Variants in ADGRL3 observed in about 807,000 individuals in gnomAD.
ADGRL3 encodes the protein adhesion G protein-coupled receptor L3.
In ADGRL3, 62 loss-of-function variants were observed where a neutral mutation model predicts 153.5. The observed-to-expected ratio is 0.40, with a 90% confidence interval of 0.33 to 0.50. The LOEUF (loss-of-function observed/expected upper bound fraction) is 0.50, where lower values mean the gene tolerates loss of function less well. Ranked by LOEUF, ADGRL3 falls within the 20% of genes least tolerant of loss-of-function variation. The pLI is 0.47. For missense variants in ADGRL3, 1,641 were observed against 1,859.4 expected, an observed-to-expected ratio of 0.88 and a Z score of 2.16; for synonymous variants, 710 against 672.5, an observed-to-expected ratio of 1.06 and a Z score of -0.86.
intron 11 of ADGRL3, 59 bp from the exon 12 acceptor site, chr4:61,909,501 A>C: frequency 8.7e-7 from 1 of 1,152,064 alleles, no homozygotes; most frequent in Non-Finnish European, 1.2e-6. Flanking sequence ...CGTTGAAAGA[A>C]AGCAATAAAA....
At chr4:61,394,788 T>A (rs966826290) in intron 2 of ADGRL3, among the ~76,000 whole-genome samples, 6 of 152,062 alleles carry the variant, frequency 3.9e-5, no homozygotes, top group African/African-American at 1.4e-4. Context: ...AAAATTTAAT[T>A]CCTGGGGAGT....
At chr4:61,650,174 A>G (rs1561001005) in intron 5 of ADGRL3, among the ~76,000 whole-genome samples, 2 of 152,200 alleles carry the variant, frequency 1.3e-5, no homozygotes, top group Admixed American at 6.5e-5. Flanking sequence ...TTTATATGCC[A>G]TCCTATAAGG....
chr4:61,758,193 TC>T lies in ADGRL3; in HGVS notation c.1399+24642del, dbSNP rs553089558. On this transcript the variant is annotated intron_variant, in intron 8 of 26. Coordinates refer to ENST00000683033, the MANE Select transcript of ADGRL3 (RefSeq NM_001387552.1). The stretch of plus-strand genomic sequence containing the variant: ...GTTAACCTGATTCAATTCCTGGATA[TC>T]CCTGGACAATCCCTGGATATCCCTG... 8.5e-5 allele frequency among the ~76,000 whole-genome samples: 13 copies of T among 152,268 alleles called. No homozygotes were observed. In the East Asian group the frequency reaches 2.5e-3, roughly 29 times the overall value.
chr4:61,284,618 T>C (rs2093858371), intron 1 of ADGRL3, among the ~76,000 whole-genome samples: 1 of 151,922 alleles, frequency 6.6e-6, no homozygotes, highest in African/African-American at 2.4e-5. Flanking sequence ...TGTAGAGAGT[T>C]TTTTATTACT....
intron 8 of ADGRL3, among the ~76,000 whole-genome samples, chr4:61,751,589 C>T (rs59347828): frequency 0.089 from 13,504 of 152,032 alleles, 1,290 homozygotes; most frequent in African/African-American, 0.24. Context: ...GTGTGGATTG[C>T]GGTATGTGTG....
intron 9 of ADGRL3, among the ~76,000 whole-genome samples, chr4:61,833,059 A>T (rs559824828): frequency 6.6e-6 from 1 of 152,294 alleles, no homozygotes; most frequent in African/African-American, 2.4e-5. Flanking sequence ...TAATAGTGCC[A>T]TCTAGAAATT....
intron 9 of ADGRL3, among the ~76,000 whole-genome samples, chr4:61,882,874 G>A (rs538525428): frequency 1.3e-5 from 2 of 152,312 alleles, no homozygotes; most frequent in Admixed American, 6.5e-5. Flanking sequence ...GGGAGGCCGA[G>A]GTGGTGGATT....
At chr4:62,060,400 A>G (rs1577719149) in intron 25 of ADGRL3, among the ~76,000 whole-genome samples, 1 of 151,926 alleles carries the variant, frequency 6.6e-6, no homozygotes, top group South Asian at 2.1e-4. Flanking sequence ...CTTAGCCATA[A>G]ACATTTTGCT....
At chr4:61,656,303 C>T (rs1007114064) in intron 5 of ADGRL3, among the ~76,000 whole-genome samples, 5 of 152,006 alleles carry the variant, frequency 3.3e-5, no homozygotes, top group African/African-American at 1.2e-4. Flanking sequence ...TGAAGCTAAA[C>T]TTATATGTGA....
intron 13 of ADGRL3, among the ~76,000 whole-genome samples, chr4:61,918,094 G>C (rs1266485556): frequency 6.6e-6 from 1 of 152,158 alleles, no homozygotes; most frequent in East Asian, 1.9e-4. Context: ...ACAGCCACTT[G>C]GATTAGCATA....
chr4:61,777,738 C>T (rs1176455471), intron 8 of ADGRL3, among the ~76,000 whole-genome samples: 1 of 152,016 alleles, frequency 6.6e-6, no homozygotes, highest in Non-Finnish European at 1.5e-5. Flanking sequence ...AGAGAAGAGC[C>T]TTACTCTATT....
chr4:61,995,218 T>TG (rs1279038402), intron 19 of ADGRL3, among the ~76,000 whole-genome samples: 4 of 152,026 alleles, frequency 2.6e-5, no homozygotes, highest in Non-Finnish European at 5.9e-5. Flanking sequence ...ACTTTTTTTT[T>TG]TTAATCCTAT....
chr4:61,348,966 C>A (rs1254189545), intron 1 of ADGRL3, among the ~76,000 whole-genome samples: 1 of 151,868 alleles, frequency 6.6e-6, no homozygotes, highest in Admixed American at 6.6e-5. Context: ...ATTATTTTAA[C>A]TGAGTTTTTT....
At chr4:61,483,288 A>G (rs987444079) in intron 2 of ADGRL3, among the ~76,000 whole-genome samples, 1 of 152,178 alleles carries the variant, frequency 6.6e-6, no homozygotes, top group Non-Finnish European at 1.5e-5. Context: ...ATTCAGTGTA[A>G]TTTTAAAAAT....
intron 5 of ADGRL3, among the ~76,000 whole-genome samples, chr4:61,640,981 T>G (rs986069120): frequency 1.3e-5 from 2 of 152,194 alleles, no homozygotes; most frequent in South Asian, 2.1e-4. Context: ...AATATATTTT[T>G]GATCACTATA....
chr4:61,968,363 T>C (rs1165043254), intron 17 of ADGRL3, among the ~76,000 whole-genome samples: 3 of 152,192 alleles, frequency 2.0e-5, no homozygotes, highest in African/African-American at 7.2e-5. Context: ...TTTCTAGGTT[T>C]CTTACATCTT....
chr4:61,804,679 T>C (rs1435302169), intron 8 of ADGRL3, among the ~76,000 whole-genome samples: 1 of 152,178 alleles, frequency 6.6e-6, no homozygotes. Flanking sequence ...ATCTGCCTTC[T>C]TTAAGGTCTA....
chr4:62,016,300 G>A (rs968480320), intron 21 of ADGRL3, among the ~76,000 whole-genome samples: 9 of 152,022 alleles, frequency 5.9e-5, no homozygotes, highest in African/African-American at 2.2e-4. Context: ...GCCCCCCTCG[G>A]CCTCCCAAAG....
intron 1 of ADGRL3, among the ~76,000 whole-genome samples, chr4:61,257,321 A>G (rs2092063883): frequency 6.6e-6 from 1 of 152,216 alleles, no homozygotes; most frequent in Non-Finnish European, 1.5e-5. Context: ...TGAAAGAAAT[A>G]AAAAATTCCA....
Sources: gnomAD v4.1 joint callset for allele counts (sites outside exome capture counted in the v4.1 genomes callset) on GRCh38, gnomAD v4.1.1 for gene constraint, MANE v1.5 for transcripts, NCBI Gene and HGNC (gene_info 2026-07-23, HGNC 2026-07-21) for gene names.